The following RYR3 variants were observed in gnomAD, a reference collection of about 807,000 sequenced individuals.
The protein encoded by RYR3 is ryanodine receptor 3.
In RYR3, 207 loss-of-function variants were observed where a neutral mutation model predicts 584.3. That is an observed-to-expected ratio of 0.35 (90% CI 0.32 to 0.40). The LOEUF (loss-of-function observed/expected upper bound fraction) is 0.40, where lower values mean the gene tolerates loss of function less well. Among genes scored for constraint, RYR3 ranks in the 10% least tolerant of loss-of-function variants. The probability of loss-of-function intolerance (pLI) is 1.00; values close to 1 mark genes in which losing one functional copy is unlikely to be tolerated. For missense variants in RYR3, 5,616 were observed against 6,089.2 expected, an observed-to-expected ratio of 0.92 and a Z score of 2.59; for synonymous variants, 2,416 against 2,248.5, an observed-to-expected ratio of 1.07 and a Z score of -2.11.
intron 64 of RYR3, among the ~76,000 whole-genome samples, chr15:33,779,430 C>T (rs2074243833): frequency 6.6e-6 from 1 of 152,122 alleles, no homozygotes; most frequent in South Asian, 2.1e-4. Flanking sequence ...TCCTGTAAAT[C>T]AAGCAGTAGG....
chr15:33,528,970 A>T (rs1438775173), intron 3 of RYR3, among the ~76,000 whole-genome samples: 1 of 152,222 alleles, frequency 6.6e-6, no homozygotes, highest in Non-Finnish European at 1.5e-5. Context: ...CTGTTTTGGG[A>T]GGACACACCC....
intron 1 of RYR3, among the ~76,000 whole-genome samples, chr15:33,439,787 A>G (rs564117729): frequency 6.6e-6 from 1 of 152,320 alleles, no homozygotes; most frequent in South Asian, 2.1e-4. Context: ...TACTTAGCTC[A>G]TTGACTAACA....
intron 16 of RYR3, among the ~76,000 whole-genome samples, chr15:33,599,358 A>C (rs935150765): frequency 2.0e-5 from 3 of 152,214 alleles, no homozygotes; most frequent in Non-Finnish European, 4.4e-5. Context: ...ACACAGCCTC[A>C]TTAAATCCTG....
chr15:33,841,429 T>C (rs2078355734), intron 90 of RYR3, among the ~76,000 whole-genome samples: 2 of 152,196 alleles, frequency 1.3e-5, no homozygotes, highest in Admixed American at 6.5e-5. Flanking sequence ...TTTCACTATC[T>C]GGCCAGATGA....
intron 31 of RYR3, among the ~76,000 whole-genome samples, chr15:33,650,729 G>T (rs542288602): frequency 6.6e-6 from 1 of 152,112 alleles, no homozygotes; most frequent in Admixed American, 6.5e-5. Flanking sequence ...TTCCCTATAC[G>T]TGAGTTTTGC....
At chr15:33,366,816 C>A (rs546480459) in intron 1 of RYR3, among the ~76,000 whole-genome samples, 30 of 152,160 alleles carry the variant, frequency 2.0e-4, no homozygotes, top group African/African-American at 7.2e-4. Context: ...TATACATAGT[C>A]CAAATGGAGA....
At chr15:33,616,620 G>A (rs888383093) in intron 19 of RYR3, among the ~76,000 whole-genome samples, 3 of 152,218 alleles carry the variant, frequency 2.0e-5, no homozygotes, top group Admixed American at 1.3e-4. Flanking sequence ...GTCCAGATGT[G>A]TTGACTTGAA....
intron 17 of RYR3, 110 bp downstream of exon 17, chr15:33,601,662 A>T (rs1030890959): frequency 8.7e-7 from 1 of 1,155,642 alleles, no homozygotes; most frequent in African/African-American, 1.5e-5. Flanking sequence ...CATTGTTTCC[A>T]TGGTGATACA....
At chr15:33,695,173 T>C (rs2065749062) in intron 38 of RYR3, among the ~76,000 whole-genome samples, 1 of 152,216 alleles carries the variant, frequency 6.6e-6, no homozygotes, top group Non-Finnish European at 1.5e-5. Flanking sequence ...GACTGTGATA[T>C]GCAGTGCCAG....
chr15:33,323,761 C>T (rs1419095758), intron 1 of RYR3, among the ~76,000 whole-genome samples: 1 of 152,140 alleles, frequency 6.6e-6, no homozygotes, highest in Non-Finnish European at 1.5e-5. Flanking sequence ...TGCTTGACTC[C>T]CAGCTGTTTG....
At chr15:33,638,557 G>T (rs2061626758) in intron 27 of RYR3, among the ~76,000 whole-genome samples, 1 of 152,182 alleles carries the variant, frequency 6.6e-6, no homozygotes, top group African/African-American at 2.4e-5. Context: ...CTCAAAGTAT[G>T]GTCTGCTTGT....
At chr15:33,376,815 G>A (rs1372845999) in intron 1 of RYR3, among the ~76,000 whole-genome samples, 1 of 152,242 alleles carries the variant, frequency 6.6e-6, no homozygotes, top group African/African-American at 2.4e-5. Flanking sequence ...TGAGTTAGGT[G>A]TTGAATTATT....
intron 3 of RYR3, among the ~76,000 whole-genome samples, chr15:33,529,359 G>A (rs2054658158): frequency 6.6e-6 from 1 of 152,084 alleles, no homozygotes; most frequent in South Asian, 2.1e-4. Context: ...ACAGAGTGAT[G>A]CTATTAATCC....
intron 89 of RYR3, 122 bp from the exon 90 acceptor site, chr15:33,840,703 A>G: frequency 2.5e-6 from 2 of 803,866 alleles, no homozygotes; most frequent in Non-Finnish European, 4.2e-6. Flanking sequence ...TGATCCTGAG[A>G]GAAGCAGAAA....
chr15:33,834,673 T>A (rs1351427791), intron 86 of RYR3, among the ~76,000 whole-genome samples: 1 of 152,160 alleles, frequency 6.6e-6, no homozygotes, highest in Non-Finnish European at 1.5e-5. Flanking sequence ...AACATTTCAC[T>A]GTTTTAAATA....
chr15:33,806,808 C>T (rs1316258942), intron 69 of RYR3, among the ~76,000 whole-genome samples: 1 of 151,082 alleles, frequency 6.6e-6, no homozygotes, highest in Non-Finnish European at 1.5e-5. Context: ...GTCTGGAGTG[C>T]ACTGGTGTGA....
Position 33,844,928 on chromosome 15 carries a change from G to A in RYR3, c.13363G>A (p.Glu4455Lys), listed in dbSNP as rs770667248. 4.8e-5 allele frequency: 78 copies of A among 1,613,808 alleles called. 1 individual carries two copies. The Admixed American group carries it at 6.0e-4, about 12-fold the overall frequency. Residue 4455 changes from glutamate (E) to lysine (K), a missense_variant, in exon 93 of 104, where the codon GAG becomes AAG. Glu to Lys is a moderately conservative substitution (Grantham distance 56, BLOSUM62 1). This residue lies in a region of RYR3 where 918 missense variants were observed against 887.4 expected (regional missense o/e 1.03). Transcript: ENST00000634891. ...AAACCTATGGAATTCCTTTAATGAC[G>A]AGGAAGAGGAAGAAGCGATGGTATT... Reference protein sequence around the residue: ...VANLWNSFNDEEEEEAMVFFV... With the variant: ...VANLWNSFNDKEEEEAMVFFV...
chr15:33,461,593 C>A (rs1307565487), intron 1 of RYR3, among the ~76,000 whole-genome samples: 2 of 152,064 alleles, frequency 1.3e-5, no homozygotes, highest in Admixed American at 1.3e-4. Context: ...AGGATATGAT[C>A]CTCGCCTTCT....
chr15:33,431,903 A>G (rs1256792421), intron 1 of RYR3, among the ~76,000 whole-genome samples: 1 of 152,202 alleles, frequency 6.6e-6, no homozygotes, highest in Non-Finnish European at 1.5e-5. Flanking sequence ...GAGACTGGGT[A>G]GTTTGTGGGG....
Sources: allele counts gnomAD v4.1 joint callset (sites outside exome capture counted in the v4.1 genomes callset), GRCh38; gene constraint gnomAD v4.1.1; regional missense constraint gnomAD v4.1.1; transcripts MANE v1.5; gene names NCBI Gene and HGNC (gene_info 2026-07-23, HGNC 2026-07-21).